Variants in GSE1 observed in about 807,000 individuals in gnomAD.
GSE1 encodes Gse1 coiled-coil protein.
In GSE1, 32 loss-of-function variants were observed where a neutral mutation model predicts 112.6. That is an observed-to-expected ratio of 0.28 (90% confidence interval 0.21 to 0.38). GSE1 has a LOEUF of 0.38. Ranked by LOEUF, GSE1 falls within the 10% of genes least tolerant of loss-of-function variation. The pLI is 1.00. For synonymous variants in GSE1, 1,115 were observed against 735.6 expected (o/e 1.52, Z -8.35); for missense variants, 2,348 against 1,699.2 (o/e 1.38, Z -6.71).
intron 3 of GSE1, among the ~76,000 whole-genome samples, chr16:85,649,300 C>T (rs1432967135): frequency 6.6e-6 from 1 of 152,154 alleles, no homozygotes; most frequent in East Asian, 1.9e-4. Flanking sequence ...GGTGGCAGTC[C>T]AGTTCAAGCT....
At chr16:85,552,580 T>C (rs9928894), upstream of GSE1, among the ~76,000 whole-genome samples, 43,730 of 144,912 alleles carry the variant, frequency 0.3, 6,969 homozygotes, top group South Asian at 0.43. Context: ...GATCCGTCCG[T>C]CTCGGCCTCC....
Position 85,502,955 on chromosome 16 carries a change from GGA to G in GSE1, c.2465-130956_2465-130955del, listed in dbSNP as rs2051420660. 4.6e-5 allele frequency among the ~76,000 whole-genome samples: 7 copies of G among 152,322 alleles called. No individual in the cohort carries two copies. The South Asian group carries it at 1.4e-3, about 32-fold the overall frequency. ...GCGTGGCGGGAGGAGGATTATCGGA[GGA>G]GACAGACAAGGTCCAGGGCTGGAGG... On this transcript the variant is annotated intron_variant, in intron 2 of 2. Transcript: ENST00000637419.
At chr16:85,320,264 G>A (rs1270841313) in intron 1 of GSE1, among the ~76,000 whole-genome samples, 5 of 152,170 alleles carry the variant, frequency 3.3e-5, no homozygotes, top group Admixed American at 6.5e-5. Context: ...CGGCGCATGA[G>A]TTAGCCGACC....
intron 1 of GSE1, among the ~76,000 whole-genome samples, chr16:85,256,089 C>T (rs1005255218): frequency 6.6e-6 from 1 of 152,180 alleles, no homozygotes; most frequent in African/African-American, 2.4e-5. Context: ...CTAATTTCCT[C>T]ATAGTGTTGT....
chr16:85,568,590 A>G (rs968043414), intron 1 of GSE1, among the ~76,000 whole-genome samples: 1 of 152,228 alleles, frequency 6.6e-6, no homozygotes, highest in African/African-American at 2.4e-5. Flanking sequence ...ACTTCAGTAC[A>G]GGGTTGGTTG....
chr16:85,430,831 CCT>C (rs1231151854), intron 2 of GSE1, among the ~76,000 whole-genome samples: 2 of 152,216 alleles, frequency 1.3e-5, no homozygotes, highest in Non-Finnish European at 2.9e-5. Flanking sequence ...AGCAGAATCC[CCT>C]GAAGGCAAAT....
chr16:85,345,424 A>G (rs1239200917), intron 1 of GSE1, among the ~76,000 whole-genome samples: 2 of 152,194 alleles, frequency 1.3e-5, no homozygotes, highest in African/African-American at 4.8e-5. Flanking sequence ...TGGCCCTTTA[A>G]GAAAAGGTTT....
chr16:85,339,910 A>G (rs1432837081), intron 1 of GSE1, among the ~76,000 whole-genome samples: 4 of 152,178 alleles, frequency 2.6e-5, no homozygotes, highest in Non-Finnish European at 5.9e-5. Context: ...CTCACTGCCA[A>G]GTCCTCAGTG....
chr16:85,590,522 T>A (rs545064919), intron 1 of GSE1, among the ~76,000 whole-genome samples: 24 of 150,812 alleles, frequency 1.6e-4, no homozygotes, highest in African/African-American at 3.4e-4. Flanking sequence ...AGTGTGTGTG[T>A]GATTGTGTGA....
At chr16:85,556,762 C>CCCG (rs1555532128) in intron 1 of GSE1, among the ~76,000 whole-genome samples, 3 of 143,230 alleles carry the variant, frequency 2.1e-5, no homozygotes, top group African/African-American at 7.8e-5. Flanking sequence ...CCCCCCCCCC[C>CCCG]CAGTCCTGGG....
At chr16:85,344,010 G>A (rs78545207) in intron 1 of GSE1, among the ~76,000 whole-genome samples, 2 of 152,162 alleles carry the variant, frequency 1.3e-5, no homozygotes, top group African/African-American at 2.4e-5. Context: ...ATTCCCCCAG[G>A]AACATGGCTC....
At chr16:85,524,796 G>T (rs2151165067) in intron 2 of GSE1, among the ~76,000 whole-genome samples, 1 of 152,272 alleles carries the variant, frequency 6.6e-6, no homozygotes, top group Non-Finnish European at 1.5e-5. Context: ...GGAGGTAGGG[G>T]CAGGACATTT....
At chr16:85,563,443 G>C (rs1039845987) in intron 1 of GSE1, among the ~76,000 whole-genome samples, 4 of 152,210 alleles carry the variant, frequency 2.6e-5, no homozygotes, top group African/African-American at 9.6e-5. Flanking sequence ...GTTGGCGCTG[G>C]TCGTTACCCT....
At chr16:85,611,618 G>C (rs1217698432), upstream of GSE1, 2 of 423,828 alleles carry the variant, frequency 4.7e-6, no homozygotes, top group Non-Finnish European at 6.3e-6. Flanking sequence ...GCAAGGCGGG[G>C]GGCCGGCCCG....
intron 2 of GSE1, among the ~76,000 whole-genome samples, chr16:85,550,162 C>T (rs1218236468): frequency 1.8e-4 from 27 of 152,054 alleles, no homozygotes; most frequent in Non-Finnish European, 7.4e-5. Context: ...TGTCACTGCC[C>T]GAGGGCACAC....
chr16:85,552,328 C>CTTTTTTTTTTTTTTTT (rs1195413161), upstream of GSE1, among the ~76,000 whole-genome samples: 11 of 47,754 alleles, frequency 2.3e-4, 1 homozygote, highest in South Asian at 1.0e-3. Context: ...CCCGCCCCTC[C>CTTTTTTTTTTTTTTTT]TTTTTTTTTT....
At chr16:85,591,101 C>T (rs1205051336) in intron 1 of GSE1, among the ~76,000 whole-genome samples, 1 of 152,208 alleles carries the variant, frequency 6.6e-6, no homozygotes, top group Non-Finnish European at 1.5e-5. Flanking sequence ...GGGCAGAGGC[C>T]ATCGGGACTT....
At chr16:85,669,915 C>G (rs2053190716) in intron 14 of GSE1, among the ~76,000 whole-genome samples, 1 of 152,228 alleles carries the variant, frequency 6.6e-6, no homozygotes. Flanking sequence ...CGCTGACCCC[C>G]TCTTCTCTCA....
intron 2 of GSE1, among the ~76,000 whole-genome samples, chr16:85,539,333 T>C (rs1170145341): frequency 6.6e-6 from 1 of 152,230 alleles, no homozygotes; most frequent in Non-Finnish European, 1.5e-5. Flanking sequence ...TAATTGTGGG[T>C]GCAGTTAGTC....
Sources: gnomAD v4.1 joint callset for allele counts (sites outside exome capture counted in the v4.1 genomes callset) on GRCh38, gnomAD v4.1.1 for gene constraint, MANE v1.5 for transcripts, NCBI Gene and HGNC (gene_info 2026-07-23, HGNC 2026-07-21) for gene names.